MYOT: variants seen among roughly 807,000 people sequenced by gnomAD.
MYOT encodes myotilin.
Under a neutral mutation model 58.0 loss-of-function variants are expected in MYOT, and 36 were observed. That is an observed-to-expected ratio of 0.62 (90% confidence interval 0.48 to 0.82). MYOT has a LOEUF of 0.82. Among genes scored for constraint, MYOT ranks in the 40% least tolerant of loss-of-function variants. MYOT has a pLI of 0.00. For synonymous variants in MYOT, 218 were observed against 204.6 expected, an observed-to-expected ratio of 1.07 and a Z score of -0.56; for missense variants, 505 against 592.1, an observed-to-expected ratio of 0.85 and a Z score of 1.53.
chr5:137,877,617 C>G lies in MYOT; in HGVS notation c.629C>G (p.Ser210Trp). The part of the protein sequence containing the change: ...QAQDDSGAQD[S>W]QQHNSEHARL... Reference sequence around the variant, plus strand: ...CAGGATGACAGTGGTGCACAAGACTCGCAGGTAAGTTAAAATGCTCTAAGT... The same window carrying G: ...CAGGATGACAGTGGTGCACAAGACTGGCAGGTAAGTTAAAATGCTCTAAGT... The change falls in exon 4 of 10, where the codon TCG becomes TGG. Residue 210 changes from serine to tryptophan, a missense_variant. Transcript: ENST00000239926. The G allele has an allele frequency of 6.2e-7, 1 of 1,607,664 alleles. No individual in the cohort carries two copies. Among genetic ancestry groups the G allele is most frequent in the South Asian group, 1.1e-5 (1 of 90,944 alleles).
chr5:137,887,106 A>T, intron 9 of MYOT, 107 bp from the exon 10 acceptor site: 1 of 1,551,730 alleles, frequency 6.4e-7, no homozygotes, highest in Non-Finnish European at 8.9e-7. Flanking sequence ...CCCCATATAT[A>T]ATCAGTTTTG....
At chr5:137,869,774 A>C (rs913499307) in intron 1 of MYOT, among the ~76,000 whole-genome samples, 2 of 152,202 alleles carry the variant, frequency 1.3e-5, no homozygotes, top group African/African-American at 4.8e-5. Context: ...ACCAACAACT[A>C]GGAAGTATAA....
intron 7 of MYOT, among the ~76,000 whole-genome samples, chr5:137,884,398 T>C (rs939174997): frequency 1.3e-5 from 2 of 152,284 alleles, no homozygotes; most frequent in Non-Finnish European, 2.9e-5. Flanking sequence ...ACTTTTAGCC[T>C]TAGACTATGT....
chr5:137,879,850 T>C (rs1159358607), intron 4 of MYOT, among the ~76,000 whole-genome samples: 1 of 152,048 alleles, frequency 6.6e-6, no homozygotes, highest in Non-Finnish European at 1.5e-5. Context: ...TATTTTTAAT[T>C]GGATTACTTT....
At chr5:137,886,594 C>A (rs1034273578) in intron 8 of MYOT, 1 of 487,446 alleles carries the variant, frequency 2.1e-6, no homozygotes, top group East Asian at 4.5e-5. Flanking sequence ...GGTCAGGACC[C>A]CTCCATTCCC....
In MYOT at chr5:137,870,467, C is replaced by T. The variant is rs1755010617; in HGVS notation, c.-185C>T. 1.6e-6 allele frequency: 1 copy of T among 644,468 alleles called. No homozygotes were observed. Among genetic ancestry groups the T allele is most frequent in the Non-Finnish European group, 2.8e-6 (1 of 361,338 alleles). 39.9% of individuals were successfully genotyped at this position (644,468 alleles called of 1,614,324 possible). A position where few individuals can be genotyped will look rare whatever the true frequency, so the allele number is the denominator to read the frequency against. On this transcript the variant is annotated 5_prime_UTR_variant, in exon 2 of 10. Transcript: ENST00000239926. ...AACAATATTCTTCAAGAGAAGGTCA[C>T]TCTACCAAAGCCAGGAGCACAGTAT... is the stretch of plus-strand genomic sequence containing the variant.
Position 137,885,771 on chromosome 5 carries a change from C to CAAAAAA in MYOT, c.1025-252_1025-247dup, listed in dbSNP as rs71583286. On this transcript the variant is annotated intron_variant, in intron 7 of 9. Transcript: ENST00000239926. Reference sequence around the variant, plus strand: ...TGGGCAAAAGAGCGAGACTCTGTCTCAAAAAAAAAAAAAAAAAAAAAAAAA... The same window carrying CAAAAAA: ...TGGGCAAAAGAGCGAGACTCTGTCTCAAAAAAAAAAAAAAAAAAAAAAAAAAAAAAA... Among the ~76,000 whole-genome samples the CAAAAAA allele has an allele frequency of 7.1e-3, 221 of 30,954 alleles. 1 individual carries two copies. Among genetic ancestry groups the CAAAAAA allele is most frequent in the Middle Eastern group, 0.033 (1 of 30 alleles). 20.3% of individuals were successfully genotyped at this position (30,954 alleles called of 152,430 possible).
intron 1 of MYOT, among the ~76,000 whole-genome samples, chr5:137,869,455 T>C (rs1754971434): frequency 6.6e-6 from 1 of 152,132 alleles, no homozygotes; most frequent in Admixed American, 6.5e-5. Flanking sequence ...AAATGTTTCA[T>C]CTGAGAAAAA....
chr5:137,878,478 C>T (rs116819181), intron 4 of MYOT, among the ~76,000 whole-genome samples: 2,779 of 152,150 alleles, frequency 0.018, 50 homozygotes, highest in Non-Finnish European at 0.03. Flanking sequence ...GCATGAGCCA[C>T]CACGCCTGGC....
At chr5:137,876,912 G>A (rs996030240) in intron 3 of MYOT, among the ~76,000 whole-genome samples, 1 of 151,978 alleles carries the variant, frequency 6.6e-6, no homozygotes, top group Non-Finnish European at 1.5e-5. Flanking sequence ...CGGAGGAAAG[G>A]GTTGAATTTC....
intron 1 of MYOT, among the ~76,000 whole-genome samples, chr5:137,869,620 G>C (rs1026999345): frequency 6.6e-6 from 1 of 151,734 alleles, no homozygotes; most frequent in South Asian, 2.1e-4. Context: ...AAGTAAAAGA[G>C]CTAAAGCAAT....
intron 2 of MYOT, among the ~76,000 whole-genome samples, chr5:137,872,368 T>G (rs1271839641): frequency 6.6e-6 from 1 of 152,236 alleles, no homozygotes; most frequent in Non-Finnish European, 1.5e-5. Context: ...ATTAGCATTT[T>G]AAAATCTAGA....
rs1755026032 is a variant in MYOT at position 137,870,814 on chromosome 5, T to G, written c.163T>G (p.Ser55Ala). 6.2e-7 allele frequency: 1 copy of G among 1,614,026 alleles called. No homozygotes were observed. Among genetic ancestry groups the G allele is most frequent in the Non-Finnish European group, 8.5e-7 (1 of 1,180,024 alleles). The change falls in exon 2 of 10, where the codon TCC becomes GCC. Residue 55 changes from serine to alanine, a missense_variant. Transcript: ENST00000239926. ...RQCTEQRFSA[S>A]STLSSHITMS... Reference sequence around the variant, plus strand: ...GTGTACAGAGCAAAGATTTTCTGCCTCCTCAACACTGAGCTCTCACATCAC... The same window carrying G: ...GTGTACAGAGCAAAGATTTTCTGCCGCCTCAACACTGAGCTCTCACATCAC...
chr5:137,881,830 T>G, intron 5 of MYOT, 143 bp from the exon 6 acceptor site: 5 of 819,470 alleles, frequency 6.1e-6, no homozygotes, highest in Non-Finnish European at 7.9e-6. Context: ...CTGAGTGAGC[T>G]GAGATTGGGC....
Position 137,875,875 on chromosome 5 carries a change from C to A in MYOT, c.403C>A (p.Gln135Lys). 6.2e-7 allele frequency: 1 copy of A among 1,614,066 alleles called. No homozygotes were observed. The highest frequency in any genetic ancestry group is 8.5e-7 in the Non-Finnish European group (1 of 1,179,986). Reference sequence around the variant, plus strand: ...CCAACCTATAAATGCAAAGCCATCCCAAACTGCAAATGCTAAGCCCATACC... The same window carrying A: ...CCAACCTATAAATGCAAAGCCATCCAAAACTGCAAATGCTAAGCCCATACC... Reference protein sequence around the residue: ...AGQPINAKPSQTANAKPIPRT... With the variant: ...AGQPINAKPSKTANAKPIPRT... Residue 135 changes from glutamine (Q) to lysine (K), a missense_variant, in exon 3 of 10, where the codon CAA becomes AAA. Physicochemically the swap from Gln to Lys is moderately conservative, Grantham distance 53. Coordinates refer to ENST00000239926, the MANE Select transcript of MYOT (RefSeq NM_006790.3).
chr5:137,876,217 CTGAA>C, intron 3 of MYOT: 2 of 559,092 alleles, frequency 3.6e-6, no homozygotes, highest in Middle Eastern at 4.8e-4. Context: ...AAAAATGTAT[CTGAA>C]TGGTTTAATG....
chr5:137,870,391 A>C (rs1377897295), intron 1 of MYOT, 50 bp from the exon 2 acceptor site: 2 of 569,510 alleles, frequency 3.5e-6, no homozygotes, highest in Admixed American at 3.0e-5. Context: ...TCAAATAAAC[A>C]ATGTTATTGT....
Position 137,875,997 on chromosome 5 carries a change from A to C in MYOT, c.525A>C (p.Gly175=), listed in dbSNP as rs750175925. The stretch of plus-strand genomic sequence containing the variant: ...GCAAGGACACCCTTCTTCATAATGG[A>C]AATCAAGTGGGCAAGATGTCTATTT... ...LKCKDTLLHN[G]NQRLTYEEKM... Residue 175 remains glycine, a synonymous_variant, in exon 3 of 10, where the codon GGA becomes GGC. Coordinates refer to ENST00000239926, the MANE Select transcript of MYOT (RefSeq NM_006790.3). 2 of 1,614,034 alleles carry C rather than the reference A, an allele frequency of 1.2e-6. No individual in the cohort carries two copies. Among genetic ancestry groups the C allele is most frequent in the South Asian group, 2.2e-5 (2 of 91,080 alleles).
At chr5:137,884,063 T>A (rs529928281) in intron 7 of MYOT, among the ~76,000 whole-genome samples, 3 of 152,088 alleles carry the variant, frequency 2.0e-5, no homozygotes, top group Non-Finnish European at 4.4e-5. Context: ...AAGTGAAGAG[T>A]AGGCTGGGTA....
Sources: gnomAD v4.1 joint callset for allele counts (sites outside exome capture counted in the v4.1 genomes callset) on GRCh38, gnomAD v4.1.1 for gene constraint, MANE v1.5 for transcripts, NCBI Gene and HGNC (gene_info 2026-07-23, HGNC 2026-07-21) for gene names.